UGGT2: variants seen among roughly 807,000 people sequenced by gnomAD.
The protein encoded by UGGT2 is UDP-glucose glycoprotein glucosyltransferase 2.
Under a neutral mutation model 192.1 loss-of-function variants are expected in UGGT2, and 180 were observed. The ratio of observed to expected loss-of-function variants is 0.94; its 90% CI spans 0.83 to 1.06. The LOEUF is 1.06. Ranked by LOEUF, UGGT2 falls within the 50% of genes least tolerant of loss-of-function variation. The pLI, the probability that UGGT2 is intolerant of heterozygous loss-of-function variation, is 0.00. For missense variants in UGGT2, 1,849 were observed against 1,795.7 expected (o/e 1.03, Z -0.54); for synonymous variants, 580 against 591.0 (o/e 0.98, Z 0.27).
At chr13:96,026,826 C>A (rs541802994) in intron 2 of UGGT2, among the ~76,000 whole-genome samples, 10 of 152,136 alleles carry the variant, frequency 6.6e-5, no homozygotes, top group East Asian at 5.8e-4. Context: ...CGCCCTCCAC[C>A]GCGCCCGGCT....
chr13:96,010,503 G>A (rs1464650498), intron 5 of UGGT2, among the ~76,000 whole-genome samples: 1 of 151,976 alleles, frequency 6.6e-6, no homozygotes, highest in African/African-American at 2.4e-5. Flanking sequence ...AAAAGGCAAG[G>A]ATATCTTCCC....
At chr13:95,841,514 C>G (rs1887862793) in intron 36 of UGGT2, among the ~76,000 whole-genome samples, 1 of 152,292 alleles carries the variant, frequency 6.6e-6, no homozygotes, top group Non-Finnish European at 1.5e-5. Context: ...GCTGAATCAA[C>G]CCTGGTGATC....
chr13:95,820,511 T>C (rs975517015), intron 38 of UGGT2, among the ~76,000 whole-genome samples: 2 of 152,192 alleles, frequency 1.3e-5, no homozygotes, highest in African/African-American at 4.8e-5. Context: ...TTTTCATCTA[T>C]GAATATTGAG....
chr13:95,935,322 T>A (rs972031141), intron 17 of UGGT2, among the ~76,000 whole-genome samples: 3 of 152,240 alleles, frequency 2.0e-5, no homozygotes, highest in African/African-American at 7.2e-5. Flanking sequence ...TTTTGTACCA[T>A]TCTTCCATTC....
intron 34 of UGGT2, among the ~76,000 whole-genome samples, chr13:95,855,346 A>G (rs1889488590): frequency 6.6e-6 from 1 of 151,936 alleles, no homozygotes; most frequent in South Asian, 2.1e-4. Context: ...CATTTACTTT[A>G]TATTTTCATT....
chr13:95,823,693 T>C (rs1459069828), intron 38 of UGGT2, among the ~76,000 whole-genome samples: 1 of 152,034 alleles, frequency 6.6e-6, no homozygotes, highest in Non-Finnish European at 1.5e-5. Flanking sequence ...ATATTTGGAT[T>C]GTGATTTTTA....
At chr13:95,959,964 C>G (rs1408313967) in intron 12 of UGGT2, among the ~76,000 whole-genome samples, 1 of 152,164 alleles carries the variant, frequency 6.6e-6, no homozygotes, top group African/African-American at 2.4e-5. Flanking sequence ...AGCAACTGTG[C>G]TACAAGCCAC....
intron 1 of UGGT2, among the ~76,000 whole-genome samples, chr13:96,034,786 C>T: frequency 6.6e-6 from 1 of 152,232 alleles, no homozygotes; most frequent in East Asian, 1.9e-4. Context: ...GCTGCCCACC[C>T]CACTGCAGCT....
chr13:96,050,466 C>T (rs897942696), intron 1 of UGGT2, among the ~76,000 whole-genome samples: 9 of 152,116 alleles, frequency 5.9e-5, no homozygotes, highest in Non-Finnish European at 1.2e-4. Flanking sequence ...CAACAAAAGC[C>T]AAAACTGACA....
chr13:95,915,209 AG>A (rs2048643597), intron 20 of UGGT2, among the ~76,000 whole-genome samples: 1 of 152,226 alleles, frequency 6.6e-6, no homozygotes, highest in African/African-American at 2.4e-5. Context: ...CAATTCCTTC[AG>A]GTCATTGCTG....
chr13:96,023,632 C>T lies in UGGT2; in HGVS notation c.369G>A (p.Gln123=). ...CAGATTGGGTATTTTTACGCACCTGCTGAAACATCTGAATAGCTGGGGAGT... is the reference window on the plus strand; with the variant it reads ...CAGATTGGGTATTTTTACGCACCTGTTGAAACATCTGAATAGCTGGGGAGT... The part of the protein sequence containing the change: ...RAYSPAIQMF[Q]QIAADEPPPD... Residue 123 remains glutamine, a synonymous_variant, in exon 3 of 39, where the codon CAG becomes CAA. Coordinates refer to ENST00000376747, the MANE Select transcript of UGGT2 (RefSeq NM_020121.4). The T allele has an allele frequency of 6.2e-7, 1 of 1,604,892 alleles. No homozygotes were observed. The highest frequency in any genetic ancestry group is 8.5e-7 in the Non-Finnish European group (1 of 1,175,042).
intron 36 of UGGT2, among the ~76,000 whole-genome samples, chr13:95,852,494 T>TTTA (rs1461069762): frequency 6.6e-6 from 1 of 152,310 alleles, no homozygotes. Flanking sequence ...CTCCAAAACA[T>TTTA]TTATCTTTAA....
chr13:95,998,996 T>A (rs1318627374), intron 6 of UGGT2, among the ~76,000 whole-genome samples: 1 of 152,146 alleles, frequency 6.6e-6, no homozygotes, highest in Non-Finnish European at 1.5e-5. Flanking sequence ...AACATACGAT[T>A]TCATATTTTT....
chr13:95,853,964 A>T (rs977170577), intron 35 of UGGT2, among the ~76,000 whole-genome samples: 1 of 152,064 alleles, frequency 6.6e-6, no homozygotes, highest in African/African-American at 2.4e-5. Context: ...TATTTCACAA[A>T]CCAAGTTTAA....
At chr13:96,000,883 T>C (rs897495403) in intron 5 of UGGT2, among the ~76,000 whole-genome samples, 12 of 152,332 alleles carry the variant, frequency 7.9e-5, no homozygotes, top group Non-Finnish European at 1.0e-4. Flanking sequence ...AATCTTTGTT[T>C]TTCTATTTCC....
chr13:95,860,664 T>G, intron 32 of UGGT2, 124 bp downstream of exon 32: 1 of 483,752 alleles, frequency 2.1e-6, no homozygotes, highest in Non-Finnish European at 3.5e-6. Context: ...GAAAAGGAAC[T>G]GAGTATCAAG....
chr13:95,931,881 C>T (rs936811947), intron 17 of UGGT2, among the ~76,000 whole-genome samples: 1 of 151,916 alleles, frequency 6.6e-6, no homozygotes, highest in African/African-American at 2.4e-5. Flanking sequence ...AGAGAGGGGC[C>T]CCCACAGTGC....
chr13:96,036,976 C>T (rs1450000082), intron 1 of UGGT2, among the ~76,000 whole-genome samples: 6 of 152,208 alleles, frequency 3.9e-5, no homozygotes, highest in African/African-American at 1.4e-4. Context: ...CAATTGTTCA[C>T]TTGCCTTACA....
intron 7 of UGGT2, among the ~76,000 whole-genome samples, chr13:95,992,431 C>T (rs2051486958): frequency 1.3e-5 from 2 of 152,056 alleles, no homozygotes; most frequent in South Asian, 2.1e-4. Context: ...TTCCTACATA[C>T]TTTTTTTGGT....
Sources: gnomAD v4.1 joint callset for allele counts (sites outside exome capture counted in the v4.1 genomes callset) on GRCh38, gnomAD v4.1.1 for gene constraint, MANE v1.5 for transcripts, NCBI Gene and HGNC (gene_info 2026-07-23, HGNC 2026-07-21) for gene names.